Variants in LRRFIP1 observed in about 807,000 individuals in gnomAD.
The protein encoded by LRRFIP1 is leucine-rich repeat flightless-interacting protein 1.
A neutral mutation model predicts 104.4 loss-of-function variants in LRRFIP1; 62 were observed. The observed-to-expected ratio is 0.59, with a 90% confidence interval of 0.48 to 0.73. The LOEUF (loss-of-function observed/expected upper bound fraction) is 0.73. Ranked by LOEUF, LRRFIP1 falls within the 30% of genes least tolerant of loss-of-function variation. The pLI, the probability that LRRFIP1 is intolerant of heterozygous loss-of-function variation, is 0.00. For missense variants in LRRFIP1, 796 were observed against 824.5 expected, an observed-to-expected ratio of 0.97 and a Z score of 0.42; for synonymous variants, 300 against 299.0, an observed-to-expected ratio of 1.00 and a Z score of -0.03.
intron 1 of LRRFIP1, among the ~76,000 whole-genome samples, chr2:237,681,393 G>A (rs1417688193): frequency 6.6e-6 from 1 of 151,890 alleles, no homozygotes; most frequent in African/African-American, 2.4e-5. Flanking sequence ...TTGAGATGGA[G>A]TCTCGTTCTG....
At chr2:237,704,462 G>C (rs997244498) in intron 1 of LRRFIP1, among the ~76,000 whole-genome samples, 5 of 152,086 alleles carry the variant, frequency 3.3e-5, no homozygotes, top group Admixed American at 2.6e-4. Context: ...CCAACTCTAC[G>C]GATTTTCTCT....
At chr2:237,757,223 C>T (rs1334271781) in intron 16 of LRRFIP1, among the ~76,000 whole-genome samples, 2 of 152,190 alleles carry the variant, frequency 1.3e-5, no homozygotes, top group African/African-American at 4.8e-5. Context: ...GGTTCTTTAA[C>T]TGCTGCCTTG....
intron 16 of LRRFIP1, among the ~76,000 whole-genome samples, chr2:237,756,562 G>T (rs1259978471): frequency 6.6e-6 from 1 of 152,198 alleles, no homozygotes; most frequent in African/African-American, 2.4e-5. Context: ...GTCACATTGG[G>T]CATTAGGGCT....
At chr2:237,685,106 C>G (rs2092249697) in intron 1 of LRRFIP1, among the ~76,000 whole-genome samples, 3 of 10,468 alleles carry the variant, frequency 2.9e-4, no homozygotes, top group Non-Finnish European at 6.4e-4. Flanking sequence ...GTCTCCCTAC[C>G]CTCCCCCCCC....
intron 1 of LRRFIP1, among the ~76,000 whole-genome samples, chr2:237,634,311 A>T (rs780620849): frequency 2.0e-5 from 3 of 152,220 alleles, no homozygotes; most frequent in Non-Finnish European, 4.4e-5. Flanking sequence ...CTTGGTGTGC[A>T]TGGGCCCAGT....
intron 6 of LRRFIP1, 56 bp from the exon 7 acceptor site, chr2:237,723,492 C>G: frequency 6.4e-7 from 1 of 1,573,102 alleles, no homozygotes; most frequent in South Asian, 1.1e-5. Context: ...TTTAAATTTA[C>G]TTTTGGCAAC....
rs1191749008 is a variant in LRRFIP1, at chr2:237,711,874, G to A, written c.184-2385G>A. 6.6e-6 allele frequency among the ~76,000 whole-genome samples: 1 copy of A among 152,240 alleles called. No individual in the cohort carries two copies. Among genetic ancestry groups the A allele is most frequent in the Non-Finnish European group, 1.5e-5 (1 of 68,040 alleles). On this transcript the variant is annotated intron_variant, in intron 2 of 23. Coordinates refer to ENST00000308482, the MANE Select transcript of LRRFIP1 (RefSeq NM_001137550.2). The surrounding 1 kb of genome is among the most constrained non-coding windows in gnomAD (Gnocchi z 4.4). ...CCCTGGGAGACGAGAGCCAGACGAG[G>A]AAGGGCCAGCCCAGTCAGCCCAGCG...
At chr2:237,650,233 G>C (rs1013107935) in intron 1 of LRRFIP1, among the ~76,000 whole-genome samples, 2 of 151,996 alleles carry the variant, frequency 1.3e-5, no homozygotes, top group Admixed American at 6.5e-5. Flanking sequence ...GACAGCAGGT[G>C]CAACAGTGGA....
intron 19 of LRRFIP1, among the ~76,000 whole-genome samples, chr2:237,761,956 C>T (rs2059920748): frequency 6.6e-6 from 1 of 152,206 alleles, no homozygotes; most frequent in African/African-American, 2.4e-5. Context: ...TGCTGGTCCT[C>T]TCTCCCTAGT....
chr2:237,750,148 G>A (rs1220910220), intron 13 of LRRFIP1, among the ~76,000 whole-genome samples: 1 of 152,156 alleles, frequency 6.6e-6, no homozygotes, highest in East Asian at 1.9e-4. Context: ...AGGGAGGACG[G>A]AGAGGGATTT....
intron 1 of LRRFIP1, among the ~76,000 whole-genome samples, chr2:237,681,996 T>C (rs1259218578): frequency 6.6e-6 from 1 of 152,120 alleles, no homozygotes; most frequent in Non-Finnish European, 1.5e-5. Flanking sequence ...AGCTTGGCTT[T>C]GGGAATAGCA....
chr2:237,771,550 A>AT (rs1344161221), intron 20 of LRRFIP1, among the ~76,000 whole-genome samples: 37 of 53,494 alleles, frequency 6.9e-4, no homozygotes, highest in Non-Finnish European at 7.9e-4. Context: ...CCTGGAACCA[A>AT]TCCCCCCCCC....
At chr2:237,736,379 T>C (rs1463079658) in intron 10 of LRRFIP1, among the ~76,000 whole-genome samples, 1 of 152,216 alleles carries the variant, frequency 6.6e-6, no homozygotes, top group Non-Finnish European at 1.5e-5. Context: ...ATTAGAAAGC[T>C]CATAAACCAT....
chr2:237,730,210 A>G lies in LRRFIP1; in HGVS notation c.444+2275A>G, dbSNP rs950500397. Among the ~76,000 whole-genome samples, 5 of 152,402 alleles carry G rather than the reference A, an allele frequency of 3.3e-5. No individual in the cohort carries two copies. In the East Asian group the frequency reaches 9.6e-4, roughly 29 times the overall value. On this transcript the variant is annotated intron_variant, in intron 8 of 23. Coordinates refer to ENST00000308482, the MANE Select transcript of LRRFIP1 (RefSeq NM_001137550.2). Reference sequence around the variant, plus strand: ...TGAAAACAGAACTACTTTGAAGAGTACATGCAAACTTTGTGGTGGTTTCTT... The same window carrying G: ...TGAAAACAGAACTACTTTGAAGAGTGCATGCAAACTTTGTGGTGGTTTCTT...
At chr2:237,764,984 G>A (rs1245970276) in intron 19 of LRRFIP1, 14 of 984,886 alleles carry the variant, frequency 1.4e-5, no homozygotes, top group African/African-American at 7.0e-5. Context: ...GTTTTTGGCC[G>A]GGCGTGGTGG....
At chr2:237,706,840 C>T (rs1358767520) in intron 1 of LRRFIP1, among the ~76,000 whole-genome samples, 1 of 152,182 alleles carries the variant, frequency 6.6e-6, no homozygotes, top group Non-Finnish European at 1.5e-5. Flanking sequence ...GTTACCCAGG[C>T]TGGTCTCGAA....
intron 1 of LRRFIP1, among the ~76,000 whole-genome samples, chr2:237,639,054 G>C (rs748144442): frequency 2.0e-5 from 3 of 152,194 alleles, no homozygotes; most frequent in Admixed American, 1.3e-4. Context: ...TCATGGTAAA[G>C]AGCTAGAGCC....
Position 237,726,669 on chromosome 2 carries a change from G to A in LRRFIP1, c.385-1207G>A, listed in dbSNP as rs995440667. Among the ~76,000 whole-genome samples the A allele has an allele frequency of 2.6e-5, 4 of 152,330 alleles. No homozygotes were observed. The South Asian group carries it at 8.3e-4, about 32-fold the overall frequency. ...ATGACGGAGCTTCTTTGTGGAATTTGGACTCATGCCCAGGACCTGATGGCG... is the reference window on the plus strand; with the variant it reads ...ATGACGGAGCTTCTTTGTGGAATTTAGACTCATGCCCAGGACCTGATGGCG... On this transcript the variant is annotated intron_variant, in intron 7 of 23. Coordinates refer to ENST00000308482, the MANE Select transcript of LRRFIP1 (RefSeq NM_001137550.2).
chr2:237,645,933 T>C (rs36052280), intron 1 of LRRFIP1, among the ~76,000 whole-genome samples: 19,613 of 151,900 alleles, frequency 0.13, 1,973 homozygotes, highest in Non-Finnish European at 0.2. Flanking sequence ...GTCCCTAAGC[T>C]CTGGCCTGCT....
Sources: allele counts gnomAD v4.1 joint callset (sites outside exome capture counted in the v4.1 genomes callset), GRCh38; gene constraint gnomAD v4.1.1; non-coding constraint Gnocchi (gnomAD v3.1); transcripts MANE v1.5; gene names NCBI Gene and HGNC (gene_info 2026-07-23, HGNC 2026-07-21).